The following BICRAL variants were observed in gnomAD, a reference collection of about 807,000 sequenced individuals.
The protein encoded by BICRAL is BRD4-interacting chromatin-remodeling complex-associated protein-like.
In BICRAL, 8 loss-of-function variants were observed where a neutral mutation model predicts 91.8. That is an observed-to-expected ratio of 0.09 (90% CI 0.05 to 0.16). BICRAL has a LOEUF of 0.16. Among genes scored for constraint, BICRAL ranks in the 10% least tolerant of loss-of-function variants. The probability of loss-of-function intolerance (pLI) is 1.00; values close to 1 mark genes in which losing one functional copy is unlikely to be tolerated. For synonymous variants in BICRAL, 445 were observed against 491.1 expected (o/e 0.91, Z 1.24); for missense variants, 1,038 against 1,310.9 (o/e 0.79, Z 3.21).
At chr6:42,783,260 A>G (rs1251864391) in intron 1 of BICRAL, among the ~76,000 whole-genome samples, 2 of 151,784 alleles carry the variant, frequency 1.3e-5, no homozygotes, top group Non-Finnish European at 2.9e-5. Context: ...CCGAGCCCCC[A>G]GCCGCGCGGA....
chr6:42,824,733 A>T (rs1764240653), intron 5 of BICRAL, among the ~76,000 whole-genome samples: 1 of 152,254 alleles, frequency 6.6e-6, no homozygotes. Flanking sequence ...CTTAATTCAT[A>T]GTTACTTATA....
At chr6:42,838,251 T>C (rs2113978403) in intron 6 of BICRAL, among the ~76,000 whole-genome samples, 1 of 152,346 alleles carries the variant, frequency 6.6e-6, no homozygotes, top group East Asian at 1.9e-4. Context: ...CAGAGAGCAC[T>C]GATTTCATTT....
rs1765748949 is a variant in BICRAL at position 42,867,602 on chromosome 6, C to T, written c.*2156C>T. ...ATTGCAGAACTTTATCCCTGGAAGC[C>T]TTCATGTGGGCTGCTAGTGAGTTAC... On this transcript the variant is annotated 3_prime_UTR_variant, in exon 13 of 13. Coordinates refer to ENST00000314073, the MANE Select transcript of BICRAL (RefSeq NM_001393499.1). 1 of 152,332 alleles carries T rather than the reference C, an allele frequency of 6.6e-6. No individual in the cohort carries two copies. The highest frequency in any genetic ancestry group is 6.6e-5 in the Admixed American group (1 of 15,266). The allele number at this position is 152,332 out of a possible 1,614,324, so 9.4% of individuals were successfully genotyped here. A position where few individuals can be genotyped will look rare whatever the true frequency, so the allele number is the denominator to read the frequency against.
intron 1 of BICRAL, among the ~76,000 whole-genome samples, chr6:42,764,595 T>C (rs1424060038): frequency 6.6e-6 from 1 of 152,166 alleles, no homozygotes; most frequent in Non-Finnish European, 1.5e-5. Context: ...GTAACTGTAT[T>C]CTATATATAC....
intron 6 of BICRAL, among the ~76,000 whole-genome samples, chr6:42,835,136 CT>C (rs71305782): frequency 7.4e-5 from 11 of 148,150 alleles, no homozygotes; most frequent in Admixed American, 1.3e-4. Context: ...ACCCTTTTTT[CT>C]TTTTTTTTTG....
At position 42,865,920 on chromosome 6, in the gene BICRAL, A is replaced by T. The variant is rs531155308; in HGVS notation, c.*474A>T. 1 of 152,856 alleles carries T rather than the reference A, an allele frequency of 6.5e-6. No homozygotes were observed. Among genetic ancestry groups the T allele is most frequent in the South Asian group, 2.1e-4 (1 of 4,844 alleles). The allele number at this position is 152,856 out of a possible 1,614,324, so 9.5% of individuals were successfully genotyped here. A position where few individuals can be genotyped will look rare whatever the true frequency, so the allele number is the denominator to read the frequency against. On this transcript the variant is annotated 3_prime_UTR_variant, in exon 13 of 13. Coordinates refer to ENST00000314073, the MANE Select transcript of BICRAL (RefSeq NM_001393499.1). ...TGCAAATTTAGTTTTGGGTTTTTTT[A>T]TTATTATTATTTTGAGTTTTTTTGT...
At chr6:42,752,038 G>A (rs1176691789) in intron 1 of BICRAL, among the ~76,000 whole-genome samples, 2 of 151,592 alleles carry the variant, frequency 1.3e-5, no homozygotes, top group African/African-American at 4.9e-5. Context: ...TATATGGGAT[G>A]TAAAGCATTC....
chr6:42,778,417 C>G (rs1315089055), upstream of BICRAL, among the ~76,000 whole-genome samples: 1 of 152,152 alleles, frequency 6.6e-6, no homozygotes, highest in Non-Finnish European at 1.5e-5. Flanking sequence ...TTTACAAAAT[C>G]AAGATAATTA....
chr6:42,838,889 A>G (rs1339021887), intron 6 of BICRAL, among the ~76,000 whole-genome samples: 1 of 152,096 alleles, frequency 6.6e-6, no homozygotes, highest in African/African-American at 2.4e-5. Context: ...TGAACCTGGG[A>G]GGCAGAGGTT....
chr6:42,766,833 GATCGAGACC>G (rs1762640034), intron 1 of BICRAL, among the ~76,000 whole-genome samples: 1 of 152,156 alleles, frequency 6.6e-6, no homozygotes, highest in African/African-American at 2.4e-5. Flanking sequence ...GAGGTCAGGA[GATCGAGACC>G]ATCCTGGCTA....
At chr6:42,824,064 C>T (rs981816117) in intron 5 of BICRAL, among the ~76,000 whole-genome samples, 4 of 151,960 alleles carry the variant, frequency 2.6e-5, no homozygotes, top group Non-Finnish European at 2.9e-5. Context: ...GGTGAAACCC[C>T]GTCTCTACTA....
In BICRAL at chr6:42,836,582, C is replaced by T. The variant is rs75514049; in HGVS notation, c.1839+6410C>T. On this transcript the variant is annotated intron_variant, in intron 6 of 12. Coordinates refer to ENST00000314073, the MANE Select transcript of BICRAL (RefSeq NM_001393499.1). ...GCTACCATTTAAATTCCCGGGACAC[C>T]CAGAAACACAGAAATTATTTGCTTT... Among the ~76,000 whole-genome samples, 1,082 of 151,320 alleles carry T rather than the reference C, an allele frequency of 7.2e-3. 5 individuals carry two copies. The highest frequency in any genetic ancestry group is 9.1e-3 in the Non-Finnish European group (620 of 67,886).
rs1472029747 is a variant in BICRAL, at chr6:42,829,050, G to A, written c.717G>A (p.Lys239=). 6.2e-7 allele frequency: 1 copy of A among 1,614,056 alleles called. No individual in the cohort carries two copies. Among genetic ancestry groups the A allele is most frequent in the South Asian group, 1.1e-5 (1 of 91,078 alleles). ...TAGATGGATCTCAAATCATATTAAA[G>A]GGCAGCGGGCAGCAAGCCCCATCAA... ...NNLDGSQIIL[K]GSGQQAPSNV... Residue 239 remains lysine (K), a synonymous_variant, in exon 6 of 13, where the codon AAG becomes AAA. Transcript: ENST00000314073.
chr6:42,829,502 C>A lies in BICRAL; in HGVS notation c.1169C>A (p.Pro390His), dbSNP rs765037013. 1.9e-6 allele frequency: 3 copies of A among 1,614,162 alleles called. No individual in the cohort carries two copies. The highest frequency in any genetic ancestry group is 3.3e-5 in the Admixed American group (2 of 60,026). ...GGGGGCAGTATTGTTATTCATTCCC[C>A]CATGGGCCAACCTCACGCACCCCAA... ...STGGSIVIHS[P>H]MGQPHAPQSQ... Residue 390 changes from proline to histidine, a missense_variant, in exon 6 of 13, where the codon CCC becomes CAC. Coordinates refer to ENST00000314073, the MANE Select transcript of BICRAL (RefSeq NM_001393499.1).
chr6:42,785,030 G>T (rs1475971279), intron 1 of BICRAL, among the ~76,000 whole-genome samples: 1 of 152,060 alleles, frequency 6.6e-6, no homozygotes, highest in Non-Finnish European at 1.5e-5. Context: ...ATGTAATTTT[G>T]AGTTTCAGTA....
At chr6:42,855,134 T>A (rs1765309213) in intron 8 of BICRAL, among the ~76,000 whole-genome samples, 1 of 152,176 alleles carries the variant, frequency 6.6e-6, no homozygotes, top group African/African-American at 2.4e-5. Context: ...CCTCGTTAGA[T>A]CACACACCTG....
At chr6:42,782,615 C>T (rs1582812740) in intron 1 of BICRAL, among the ~76,000 whole-genome samples, 1 of 49,624 alleles carries the variant, frequency 2.0e-5, no homozygotes, top group Non-Finnish European at 4.0e-5. Context: ...AGGGAGAGCC[C>T]GGGAAGGGGG....
intron 2 of BICRAL, chr6:42,821,259 A>G (rs1306216862): frequency 6.6e-6 from 1 of 152,184 alleles, no homozygotes; most frequent in Non-Finnish European, 1.5e-5. Context: ...GAATCTGTGC[A>G]GTTGTTGTTG....
At chr6:42,819,503 C>G (rs1764081731) in intron 2 of BICRAL, among the ~76,000 whole-genome samples, 1 of 152,062 alleles carries the variant, frequency 6.6e-6, no homozygotes, top group Admixed American at 6.5e-5. Flanking sequence ...CCAGGCTGAT[C>G]TCGAACTCCT....
Sources: gnomAD v4.1 joint callset for allele counts (sites outside exome capture counted in the v4.1 genomes callset) on GRCh38, gnomAD v4.1.1 for gene constraint, MANE v1.5 for transcripts, NCBI Gene and HGNC (gene_info 2026-07-23, HGNC 2026-07-21) for gene names.